Variants in CLIP2 observed in about 807,000 individuals in gnomAD.
CLIP2 encodes the protein CAP-Gly domain containing linker protein 2, also known as CAP-Gly domain-containing linker protein 2.
In CLIP2, 41 loss-of-function variants were observed where a neutral mutation model predicts 111.7. The ratio of observed to expected loss-of-function variants is 0.37; its 90% CI spans 0.29 to 0.48. The LOEUF (loss-of-function observed/expected upper bound fraction) is 0.48. CLIP2 is among the 20% of genes least tolerant of loss of function. The pLI is 0.99. For missense variants in CLIP2, 1,160 were observed against 1,422.1 expected, an observed-to-expected ratio of 0.82 and a Z score of 2.96; for synonymous variants, 660 against 644.2, an observed-to-expected ratio of 1.02 and a Z score of -0.37.
intron 14 of CLIP2, among the ~76,000 whole-genome samples, chr7:74,397,959 G>A (rs1269965599): frequency 2.0e-5 from 3 of 150,900 alleles, no homozygotes; most frequent in Middle Eastern, 3.2e-3. Context: ...CAGCCACTGC[G>A]CCCGGTCGAG....
chr7:74,400,962 G>C (rs1260297065), intron 15 of CLIP2, among the ~76,000 whole-genome samples: 1 of 151,920 alleles, frequency 6.6e-6, no homozygotes, highest in African/African-American at 2.4e-5. Context: ...GTCTGAAGGG[G>C]GAGGCATTTC....
intron 10 of CLIP2, among the ~76,000 whole-genome samples, chr7:74,378,712 C>G (rs1790863489): frequency 6.6e-6 from 1 of 152,176 alleles, no homozygotes; most frequent in African/African-American, 2.4e-5. Context: ...TGCACTCCAG[C>G]CTGAGTGACA....
At chr7:74,385,690 G>A (rs1554314647) in intron 11 of CLIP2, among the ~76,000 whole-genome samples, 1 of 151,178 alleles carries the variant, frequency 6.6e-6, no homozygotes, top group Admixed American at 6.6e-5. Flanking sequence ...CACTTGAGGG[G>A]ACTAAGGCTG....
chr7:74,320,676 G>A (rs370401530), intron 2 of CLIP2, among the ~76,000 whole-genome samples: 9 of 152,258 alleles, frequency 5.9e-5, no homozygotes, highest in Middle Eastern at 3.4e-3. Context: ...GTGGTTATCC[G>A]GGGGAGGGAA....
At chr7:74,380,002 A>G (rs895725173) in intron 10 of CLIP2, 1 of 152,210 alleles carries the variant, frequency 6.6e-6, no homozygotes. Flanking sequence ...TCGTATATAA[A>G]TTATGATCCA....
chr7:74,366,209 T>C (rs1448862267), intron 8 of CLIP2, among the ~76,000 whole-genome samples: 15 of 152,108 alleles, frequency 9.9e-5, no homozygotes, highest in African/African-American at 3.1e-4. Context: ...GCTCATGGTC[T>C]TCCCTCCTGT....
intron 2 of CLIP2, among the ~76,000 whole-genome samples, chr7:74,331,098 C>T (rs181101529): frequency 8.3e-4 from 123 of 148,714 alleles, no homozygotes; most frequent in African/African-American, 2.6e-3. Context: ...CCCAGCTACT[C>T]GGGAGGCTGA....
chr7:74,370,019 A>G (rs1171008539), intron 8 of CLIP2, among the ~76,000 whole-genome samples: 1 of 76,784 alleles, frequency 1.3e-5, no homozygotes, highest in Admixed American at 1.5e-4. Context: ...TTAGCTGGGC[A>G]TAGTGGTGCT....
At chr7:74,296,889 G>T (rs1434182181) in intron 1 of CLIP2, among the ~76,000 whole-genome samples, 3 of 152,004 alleles carry the variant, frequency 2.0e-5, no homozygotes, top group African/African-American at 4.8e-5. Flanking sequence ...CATCTCTGTT[G>T]TTTAAGCCAC....
chr7:74,401,239 GAA>G (rs1791610912), intron 15 of CLIP2, among the ~76,000 whole-genome samples: 1 of 152,194 alleles, frequency 6.6e-6, no homozygotes, highest in Admixed American at 6.5e-5. Context: ...TCTGTCCTGG[GAA>G]CCCAGCTGAA....
Position 74,357,588 on chromosome 7 carries a change from A to G in CLIP2, c.1215+111A>G, listed in dbSNP as rs1260864288. On this transcript the variant is annotated intron_variant, in intron 6 of 16. Transcript: ENST00000223398. Reference sequence around the variant, plus strand: ...GTGGGTGCAGAGAAATATGAAGATAACACAAGCAGTACCTGTCCCCCGCTT... The same window carrying G: ...GTGGGTGCAGAGAAATATGAAGATAGCACAAGCAGTACCTGTCCCCCGCTT... The G allele has an allele frequency of 4.3e-6, 4 of 931,618 alleles. No homozygotes were observed. The African/African-American group carries it at 6.6e-5, about 15-fold the overall frequency. The allele number at this position is 931,618 out of a possible 1,614,324, so 57.7% of individuals were successfully genotyped here.
At chr7:74,350,298 C>T (rs571228359) in intron 3 of CLIP2, among the ~76,000 whole-genome samples, 2 of 151,734 alleles carry the variant, frequency 1.3e-5, no homozygotes, top group African/African-American at 4.8e-5. Flanking sequence ...CTGATCCACC[C>T]ACCTTGGCCT....
chr7:74,386,758 C>T (rs1037660913), intron 12 of CLIP2, among the ~76,000 whole-genome samples, 154 bp downstream of exon 12: 1 of 152,058 alleles, frequency 6.6e-6, no homozygotes, highest in Admixed American at 6.6e-5. Context: ...CGCGGTGGCT[C>T]GCGCCTGTAA....
intron 1 of CLIP2, among the ~76,000 whole-genome samples, chr7:74,295,959 A>G (rs1788155017): frequency 6.9e-6 from 1 of 145,114 alleles, no homozygotes; most frequent in Non-Finnish European, 1.5e-5. Flanking sequence ...ACTGCACTCC[A>G]GCCTGGATGA....
At chr7:74,337,506 G>T (rs1430960824) in intron 2 of CLIP2, among the ~76,000 whole-genome samples, 1 of 152,086 alleles carries the variant, frequency 6.6e-6, no homozygotes, top group South Asian at 2.1e-4. Context: ...AGCCCACCTG[G>T]TGGGGGGGTG....
At chr7:74,388,330 C>G (rs1791179197) in intron 12 of CLIP2, among the ~76,000 whole-genome samples, 2 of 151,176 alleles carry the variant, frequency 1.3e-5, no homozygotes, top group South Asian at 4.2e-4. Flanking sequence ...GACTCTATCA[C>G]ACACACACAC....
intron 11 of CLIP2, among the ~76,000 whole-genome samples, chr7:74,384,950 T>C (rs562041841): frequency 2.2e-4 from 33 of 151,614 alleles, no homozygotes; most frequent in African/African-American, 8.0e-4. Context: ...AACACCAGCC[T>C]GGGAAACATA....
Position 74,397,084 on chromosome 7 carries a change from G to A in CLIP2, c.2731G>A (p.Glu911Lys), listed in dbSNP as rs1554316768. The stretch of plus-strand genomic sequence containing the variant: ...CCGCCTCACCCCCAGGAGCCTGAAC[G>A]AACTGCGGGTGTTGCTGCTGGAGGC... ...ELLRKERSLN[E>K]LRVLLLEANR... The change falls in exon 14 of 17, where the codon GAA becomes AAA. Residue 911 changes from glutamate (E) to lysine (K), a missense_variant. By Grantham distance (56) the Glu-to-Lys change is moderately conservative (BLOSUM62 1). Coordinates refer to ENST00000223398, the MANE Select transcript of CLIP2 (RefSeq NM_003388.5). 2.5e-6 allele frequency: 4 copies of A among 1,613,592 alleles called. No individual in the cohort carries two copies. The highest frequency in any genetic ancestry group is 1.7e-5 in the Admixed American group (1 of 59,884).
chr7:74,330,989 G>A (rs549578258), intron 2 of CLIP2, among the ~76,000 whole-genome samples: 37 of 151,978 alleles, frequency 2.4e-4, no homozygotes, highest in African/African-American at 8.0e-4. Flanking sequence ...TGGATCACCT[G>A]AGGTCAGGAA....
Sources: allele counts gnomAD v4.1 joint callset (sites outside exome capture counted in the v4.1 genomes callset), GRCh38; gene constraint gnomAD v4.1.1; transcripts MANE v1.5; gene names NCBI Gene and HGNC (gene_info 2026-07-23, HGNC 2026-07-21).